The following FNIP2 variants were observed in gnomAD, a reference collection of about 807,000 sequenced individuals.
FNIP2 encodes folliculin interacting protein 2, also known as folliculin-interacting protein 2.
In FNIP2, 32 loss-of-function variants were observed where a neutral mutation model predicts 108.7. The ratio of observed to expected loss-of-function variants is 0.29; its 90% CI spans 0.22 to 0.40. The LOEUF (loss-of-function observed/expected upper bound fraction) is 0.40, where lower values mean the gene tolerates loss of function less well. Ranked by LOEUF, FNIP2 falls within the 10% of genes least tolerant of loss-of-function variation. FNIP2 has a pLI of 1.00. For synonymous variants in FNIP2, 480 were observed against 496.7 expected, an observed-to-expected ratio of 0.97 and a Z score of 0.45; for missense variants, 1,202 against 1,381.6, an observed-to-expected ratio of 0.87 and a Z score of 2.06.
chr4:158,836,996 T>C (rs987985415), intron 7 of FNIP2, among the ~76,000 whole-genome samples: 1 of 152,186 alleles, frequency 6.6e-6, no homozygotes, highest in African/African-American at 2.4e-5. Context: ...TGGGACACTG[T>C]CAGATAACTG....
chr4:158,839,522 C>T (rs1779003811), intron 7 of FNIP2, among the ~76,000 whole-genome samples: 1 of 152,032 alleles, frequency 6.6e-6, no homozygotes, highest in Admixed American at 6.6e-5. Flanking sequence ...TGCACCACCA[C>T]ACCCAGAATT....
intron 8 of FNIP2, among the ~76,000 whole-genome samples, chr4:158,858,428 G>A (rs1374914524): frequency 6.6e-6 from 1 of 152,172 alleles, no homozygotes; most frequent in East Asian, 1.9e-4. Context: ...TATATATTTA[G>A]AAGTTTTGGG....
chr4:158,869,106 C>T lies in FNIP2; in HGVS notation c.2470C>T (p.His824Tyr), dbSNP rs1265007154. 5 of 1,613,856 alleles carry T rather than the reference C, an allele frequency of 3.1e-6. No homozygotes were observed. Among genetic ancestry groups the T allele is most frequent in the Non-Finnish European group, 4.2e-6 (5 of 1,179,892 alleles). Residue 824 changes from histidine (H) to tyrosine (Y), a missense_variant, in exon 13 of 17, where the codon CAC becomes TAC. By Grantham distance (83) the His-to-Tyr change is moderately conservative. Coordinates refer to ENST00000264433, the MANE Select transcript of FNIP2 (RefSeq NM_020840.3). Reference protein sequence around the residue: ...SHAADLGTASHGAGGTGGRRL... With the variant: ...SHAADLGTASYGAGGTGGRRL... Reference sequence around the variant, plus strand: ...CGCTGCTGACTTGGGCACAGCCTCCCACGGTGCAGGAGGAACGGGAGGGAG... The same window carrying T: ...CGCTGCTGACTTGGGCACAGCCTCCTACGGTGCAGGAGGAACGGGAGGGAG...
intron 1 of FNIP2, among the ~76,000 whole-genome samples, chr4:158,815,104 C>T (rs1777486706): frequency 1.3e-5 from 2 of 152,194 alleles, no homozygotes; most frequent in African/African-American, 2.4e-5. Flanking sequence ...TACATTTAGT[C>T]ACCAAAACAG....
rs1472824523 is a variant in FNIP2, at chr4:158,870,469, T to A, written c.2949T>A (p.His983Gln). The change falls in exon 14 of 17, where the codon CAT (histidine) becomes CAA (glutamine). Residue 983 changes from histidine (H) to glutamine (Q), a missense_variant and splice_region_variant. By Grantham distance (24) the His-to-Gln change is conservative. Coordinates refer to ENST00000264433, the MANE Select transcript of FNIP2 (RefSeq NM_020840.3). Reference protein sequence around the residue: ...CLVADLVHTVHHPVLDEPIAE... With the variant: ...CLVADLVHTVQHPVLDEPIAE... ...TGGCCGACCTTGTCCACACAGTCCATGTAAGTGATCCCAGTGTGGAGCCTC... is the reference window on the plus strand; with the variant it reads ...TGGCCGACCTTGTCCACACAGTCCAAGTAAGTGATCCCAGTGTGGAGCCTC... The A allele has an allele frequency of 6.2e-7, 1 of 1,607,286 alleles. No homozygotes were observed. Among genetic ancestry groups the A allele is most frequent in the Non-Finnish European group, 8.5e-7 (1 of 1,176,270 alleles).
At chr4:158,806,523 T>C in intron 1 of FNIP2, 1 of 829,284 alleles carries the variant, frequency 1.2e-6, no homozygotes, top group Non-Finnish European at 1.7e-6. Flanking sequence ...TTGTTGTTTC[T>C]CATAAGTGCT....
chr4:158,820,156 C>T (rs1289263691), intron 1 of FNIP2, among the ~76,000 whole-genome samples: 4 of 152,188 alleles, frequency 2.6e-5, no homozygotes, highest in African/African-American at 9.7e-5. Context: ...TCATTCCTGA[C>T]TGTTTAAATA....
chr4:158,882,854 T>C (rs914720628), intron 14 of FNIP2, among the ~76,000 whole-genome samples: 12 of 152,014 alleles, frequency 7.9e-5, no homozygotes, highest in East Asian at 1.9e-4. Context: ...GGGACACAAA[T>C]ACTGCGGAAG....
intron 1 of FNIP2, among the ~76,000 whole-genome samples, chr4:158,784,725 C>T (rs1192271516): frequency 1.3e-5 from 2 of 152,172 alleles, no homozygotes; most frequent in Non-Finnish European, 2.9e-5. Flanking sequence ...ACTGATCTGA[C>T]AAGGTGGAGC....
chr4:158,831,932 A>G lies in FNIP2; in HGVS notation c.453A>G (p.Lys151=), dbSNP rs373949344. The G allele has an allele frequency of 2.5e-6, 4 of 1,611,100 alleles. No individual in the cohort carries two copies. Among genetic ancestry groups the G allele is most frequent in the Non-Finnish European group, 3.4e-6 (4 of 1,178,516 alleles). Residue 151 remains lysine, a synonymous_variant, in exon 4 of 17, where the codon AAA becomes AAG. Coordinates refer to ENST00000264433, the MANE Select transcript of FNIP2 (RefSeq NM_020840.3). ...MMFGSVAMSY[K]GSTLKIHYIR... is the part of the protein sequence containing the mutation. The stretch of plus-strand genomic sequence containing the variant: ...TTGGCTCAGTTGCCATGAGTTACAA[A>G]GGCTCCACCTTAAAGATACACTACA...
At position 158,874,593 on chromosome 4, in the gene FNIP2, C is replaced by G. The variant is rs116706213; in HGVS notation, c.2949+4124C>G. On this transcript the variant is annotated intron_variant, in intron 14 of 16. Coordinates refer to ENST00000264433, the MANE Select transcript of FNIP2 (RefSeq NM_020840.3). ...TGCTTAAGCCAAATGTTCAATGCTTCAGTGAGCTGTGATCATTGCCACTGC... is the reference window on the plus strand; with the variant it reads ...TGCTTAAGCCAAATGTTCAATGCTTGAGTGAGCTGTGATCATTGCCACTGC... 7.3e-4 allele frequency among the ~76,000 whole-genome samples: 111 copies of G among 151,390 alleles called. 1 individual carries two copies. Among genetic ancestry groups the G allele is most frequent in the African/African-American group, 2.6e-3 (108 of 41,240 alleles).
At chr4:158,825,664 G>C (rs996228884) in intron 1 of FNIP2, among the ~76,000 whole-genome samples, 2 of 152,224 alleles carry the variant, frequency 1.3e-5, no homozygotes, top group African/African-American at 4.8e-5. Context: ...TCTCTCCAGT[G>C]ATTTATTATT....
intron 14 of FNIP2, among the ~76,000 whole-genome samples, chr4:158,881,535 C>T (rs999451898): frequency 2.0e-5 from 3 of 152,292 alleles, no homozygotes; most frequent in Admixed American, 6.5e-5. Context: ...CATCTCCGCT[C>T]ACTGCAAGCT....
At position 158,782,750 on chromosome 4, in the gene FNIP2, G is replaced by A. The variant is rs1268790084; in HGVS notation, c.107+13431G>A. ...TTGGAAAAAGGGAGGGAGAGGGAGAGACATTTGTATCAGAAACTGGGGGTG... is the reference window on the plus strand; with the variant it reads ...TTGGAAAAAGGGAGGGAGAGGGAGAAACATTTGTATCAGAAACTGGGGGTG... On this transcript the variant is annotated intron_variant, in intron 1 of 16. Transcript: ENST00000264433. 2.0e-5 allele frequency among the ~76,000 whole-genome samples: 3 copies of A among 152,120 alleles called. No individual in the cohort carries two copies. The East Asian group carries it at 5.8e-4, about 29-fold the overall frequency.
chr4:158,864,078 G>A (rs1780444826), intron 12 of FNIP2, among the ~76,000 whole-genome samples: 1 of 152,090 alleles, frequency 6.6e-6, no homozygotes. Context: ...CTGTCACCCA[G>A]GCTGGAGTTC....
intron 14 of FNIP2, among the ~76,000 whole-genome samples, chr4:158,883,530 C>G (rs1437324775): frequency 6.6e-6 from 1 of 152,214 alleles, no homozygotes; most frequent in Non-Finnish European, 1.5e-5. Context: ...CGTGAGCCAT[C>G]GCGCCCAGCC....
rs375452697 is a variant in FNIP2 at position 158,868,650 on chromosome 4, G to C, written c.2014G>C (p.Gly672Arg). The C allele has an allele frequency of 6.2e-7, 1 of 1,613,908 alleles. No homozygotes were observed. Among genetic ancestry groups the C allele is most frequent in the African/African-American group, 1.3e-5 (1 of 74,934 alleles). ...SSRLPSCEVL[G>R]AGMKMDQQAV... The stretch of plus-strand genomic sequence containing the variant: ...AAGACTTCCCAGCTGTGAAGTTTTG[G>C]GGGCAGGAATGAAGATGGACCAGCA... Residue 672 changes from glycine (G) to arginine (R), a missense_variant, in exon 13 of 17, where the codon GGG (glycine) becomes CGG (arginine). Around this residue, in one of 5 missense-constraint regions of FNIP2, gnomAD observed 878 missense variants for 990.3 expected, o/e 0.89. Transcript: ENST00000264433. The surrounding 1 kb of genome is among the most constrained non-coding windows in gnomAD (Gnocchi z 4.6).
rs373204875 is a variant in FNIP2, at chr4:158,861,361, T to C, written c.1168T>C (p.Tyr390His). The C allele has an allele frequency of 3.4e-5, 55 of 1,613,786 alleles. No individual in the cohort carries two copies. Among genetic ancestry groups the C allele is most frequent in the Middle Eastern group, 1.6e-4 (1 of 6,084 alleles). The change falls in exon 11 of 17, where the codon TAT becomes CAT. Residue 390 changes from tyrosine (Y) to histidine (H), a missense_variant. By Grantham distance (83) the Tyr-to-His change is moderately conservative. This residue lies in a region of FNIP2 where 878 missense variants were observed against 990.3 expected (regional missense o/e 0.89). Transcript: ENST00000264433. ...CTATAGAGGAACTATCTGGAACTTA[T>C]ATTCTGTTCCAAGGATAGCTGAACC... ...GEFRGTIWNL[Y>H]SVPRIAEPVW...
chr4:158,836,974 C>T (rs1353530578), intron 7 of FNIP2, among the ~76,000 whole-genome samples: 1 of 152,146 alleles, frequency 6.6e-6, no homozygotes, highest in Non-Finnish European at 1.5e-5. Flanking sequence ...AAGATAACTC[C>T]TCCAGTCTTT....
Sources: allele counts gnomAD v4.1 joint callset (sites outside exome capture counted in the v4.1 genomes callset), GRCh38; gene constraint gnomAD v4.1.1; regional missense constraint gnomAD v4.1.1; non-coding constraint Gnocchi (gnomAD v3.1); transcripts MANE v1.5; gene names NCBI Gene and HGNC (gene_info 2026-07-23, HGNC 2026-07-21).